Variants in NTRK3 observed in about 807,000 individuals in gnomAD.
NTRK3 encodes neurotrophic receptor tyrosine kinase 3.
A neutral mutation model predicts 91.7 loss-of-function variants in NTRK3; 24 were observed. The ratio of observed to expected loss-of-function variants is 0.26; its 90% CI spans 0.19 to 0.37. The LOEUF (loss-of-function observed/expected upper bound fraction) is 0.37. Among genes scored for constraint, NTRK3 ranks in the 10% least tolerant of loss-of-function variants. The pLI is 1.00. For synonymous variants in NTRK3, 483 were observed against 404.0 expected (o/e 1.20, Z -2.34); for missense variants, 880 against 1,068.9 (o/e 0.82, Z 2.46).
At chr15:88,061,782 C>A (rs1010641126) in intron 13 of NTRK3, among the ~76,000 whole-genome samples, 1 of 152,158 alleles carries the variant, frequency 6.6e-6, no homozygotes, top group Admixed American at 6.5e-5. Flanking sequence ...GGCAGGAGAG[C>A]TTCATGGAGA....
At chr15:88,147,548 CT>C in intron 5 of NTRK3, 145 bp from the exon 6 acceptor site, 1 of 584,574 alleles carries the variant, frequency 1.7e-6, no homozygotes, top group Non-Finnish European at 2.9e-6. Flanking sequence ...TCTTCTTCTT[CT>C]TCTTCATGCT....
At chr15:87,944,382 C>T (rs544559042) in intron 14 of NTRK3, among the ~76,000 whole-genome samples, 2 of 152,330 alleles carry the variant, frequency 1.3e-5, no homozygotes, top group Admixed American at 6.5e-5. Context: ...AGGGAATTAA[C>T]TTGCACGCTA....
chr15:88,159,980 A>G (rs1402572532), intron 5 of NTRK3, among the ~76,000 whole-genome samples: 1 of 149,566 alleles, frequency 6.7e-6, no homozygotes, highest in Non-Finnish European at 1.5e-5. Flanking sequence ...ACACACACAC[A>G]CACACACACA....
At chr15:88,142,668 T>G (rs566052675) in intron 6 of NTRK3, among the ~76,000 whole-genome samples, 1 of 152,194 alleles carries the variant, frequency 6.6e-6, no homozygotes, top group Non-Finnish European at 1.5e-5. Context: ...ACAGGCCTCC[T>G]TGAGATAACA....
At chr15:88,099,252 G>A (rs980911005) in intron 13 of NTRK3, 6 of 227,012 alleles carry the variant, frequency 2.6e-5, no homozygotes, top group African/African-American at 6.7e-5. Context: ...AGGGAAAGCC[G>A]TCAAAATGTG....
rs35011403 is a variant in NTRK3 at position 87,886,676 on chromosome 15, C to CTATATATA, written c.2134-6256_2134-6249dup. On this transcript the variant is annotated intron_variant, in intron 17 of 18. Transcript: ENST00000394480. ...CCAAAGAGAAAAATCCCACTTTTTG[C>CTATATATA]TATATATATATATATATATATATAC... Among the ~76,000 whole-genome samples the CTATATATA allele has an allele frequency of 8.5e-3, 855 of 101,132 alleles. 44 individuals carry two copies. The highest frequency in any genetic ancestry group is 0.035 in the Middle Eastern group (7 of 200). 66.3% of individuals were successfully genotyped at this position (101,132 alleles called of 152,430 possible).
chr15:88,003,223 A>T (rs1261603004), intron 14 of NTRK3, among the ~76,000 whole-genome samples: 2 of 152,272 alleles, frequency 1.3e-5, no homozygotes, highest in Admixed American at 1.3e-4. Flanking sequence ...TGACAATTAT[A>T]TAGGAGATAA....
At chr15:88,209,309 A>G (rs558170048) in intron 3 of NTRK3, among the ~76,000 whole-genome samples, 3 of 152,334 alleles carry the variant, frequency 2.0e-5, no homozygotes, top group South Asian at 4.1e-4. Context: ...AATTCTAGGC[A>G]GCTGCCTACT....
At chr15:87,864,935 C>T (rs1452241290) in exon 19 of NTRK3, 2 of 218,020 alleles carry the variant, frequency 9.2e-6, no homozygotes, top group Non-Finnish European at 1.8e-5. Context: ...CCAATTTGGA[C>T]TCTCATTTCG....
At chr15:88,063,863 T>C (rs774788066) in intron 13 of NTRK3, among the ~76,000 whole-genome samples, 3 of 152,160 alleles carry the variant, frequency 2.0e-5, no homozygotes, top group African/African-American at 7.2e-5. Flanking sequence ...TGGATGAAAA[T>C]AGAACTACTT....
intron 13 of NTRK3, among the ~76,000 whole-genome samples, chr15:88,080,527 T>C (rs2047950368): frequency 6.6e-6 from 1 of 152,240 alleles, no homozygotes; most frequent in Non-Finnish European, 1.5e-5. Flanking sequence ...TGCTTTTTGT[T>C]TATCTTCTTC....
intron 13 of NTRK3, among the ~76,000 whole-genome samples, chr15:88,075,600 T>TTTG (rs367598541): frequency 6.4e-4 from 98 of 151,986 alleles, no homozygotes; most frequent in Middle Eastern, 6.8e-3. Flanking sequence ...TTTCTTTATG[T>TTTG]TTGTTGTTGT....
intron 14 of NTRK3, among the ~76,000 whole-genome samples, chr15:88,031,798 T>C (rs1331083463): frequency 6.6e-6 from 1 of 152,142 alleles, no homozygotes; most frequent in East Asian, 1.9e-4. Context: ...GCAAGAGTTC[T>C]GTGAGCTACA....
chr15:88,216,633 C>A (rs2049796538), intron 3 of NTRK3, among the ~76,000 whole-genome samples: 1 of 152,174 alleles, frequency 6.6e-6, no homozygotes, highest in Non-Finnish European at 1.5e-5. Flanking sequence ...CTCCTGCCAC[C>A]CAGCCATCCT....
chr15:88,180,235 G>T (rs1443896815), intron 5 of NTRK3, among the ~76,000 whole-genome samples: 1 of 152,114 alleles, frequency 6.6e-6, no homozygotes, highest in East Asian at 1.9e-4. Flanking sequence ...ATCAATCTCA[G>T]AAATCCTTAT....
chr15:87,965,213 A>G (rs1388913204), intron 14 of NTRK3, among the ~76,000 whole-genome samples: 1 of 152,208 alleles, frequency 6.6e-6, no homozygotes, highest in East Asian at 1.9e-4. Context: ...TGGATAATTT[A>G]TGTGTTTGTG....
chr15:87,978,973 ACT>A lies in NTRK3; in HGVS notation c.1586-38222_1586-38221del, dbSNP rs2073964399. Reference sequence around the variant, plus strand: ...GAAAGTGAGGCTGGAGCACGGCTGGACTTCATCAGGCTTTCTTGTGATGGTTA... The same window carrying A: ...GAAAGTGAGGCTGGAGCACGGCTGGATCATCAGGCTTTCTTGTGATGGTTA... On this transcript the variant is annotated intron_variant, in intron 14 of 18. Coordinates refer to ENST00000394480, the Ensembl canonical transcript of NTRK3. 1.6e-5 allele frequency: 6 copies of A among 366,342 alleles called. No homozygotes were observed. The South Asian group carries it at 2.4e-4, about 14-fold the overall frequency. The allele number at this position is 366,342 out of a possible 1,614,324, so 22.7% of individuals were successfully genotyped here.
chr15:88,174,288 T>C (rs572180144), intron 5 of NTRK3, among the ~76,000 whole-genome samples: 2 of 152,218 alleles, frequency 1.3e-5, no homozygotes, highest in East Asian at 3.9e-4. Flanking sequence ...AAATAGCTTA[T>C]CCAACGTCAC....
chr15:87,871,140 C>T (rs542857626), exon 19 of NTRK3: 5 of 231,310 alleles, frequency 2.2e-5, no homozygotes, highest in Middle Eastern at 1.3e-3. Context: ...GAACACCCCC[C>T]ACCCCAATCC....
Sources: allele counts gnomAD v4.1 joint callset (sites outside exome capture counted in the v4.1 genomes callset), GRCh38; gene constraint gnomAD v4.1.1; transcripts MANE v1.5; gene names NCBI Gene and HGNC (gene_info 2026-07-23, HGNC 2026-07-21).